CCKBR: variants seen among roughly 807,000 people sequenced by gnomAD.
CCKBR encodes cholecystokinin B receptor.
A neutral mutation model predicts 34.6 loss-of-function variants in CCKBR; 33 were observed. The ratio of observed to expected loss-of-function variants is 0.95; its 90% CI spans 0.72 to 1.27. The LOEUF is 1.27. CCKBR is among the 50% of genes most tolerant of loss of function. CCKBR has a pLI of 0.00. For missense variants in CCKBR, 652 were observed against 617.4 expected (o/e 1.06, Z -0.59); for synonymous variants, 269 against 267.5 (o/e 1.01, Z -0.06).
At position 6,264,737 on chromosome 11, in the gene CCKBR, A is replaced by ATACACACACACACG. The variant is rs1554919498; in HGVS notation, c.151+4658_151+4659insTACACACACACACG. The ATACACACACACACG allele has an allele frequency of 5.9e-6, 3 of 508,834 alleles. No homozygotes were observed. In the Admixed American group the frequency reaches 1.2e-4, roughly 20 times the overall value. The allele number at this position is 508,834 out of a possible 1,614,324, so 31.5% of individuals were successfully genotyped here. ...AACACACATCAATACACACACACAC[A>ATACACACACACACG]CACACACGCATACAAGTCTAAGTCT... On this transcript the variant is annotated intron_variant, in intron 1 of 4. Transcript: ENST00000334619.
chr11:6,270,838 G>A (rs1269637170), intron 4 of CCKBR, 35 bp downstream of exon 4: 1 of 1,613,702 alleles, frequency 6.2e-7, no homozygotes, highest in Admixed American at 1.7e-5. Context: ...ATCTGGGCGA[G>A]GCGGAGCTTT....
chr11:6,264,883 T>C (rs1465690845), intron 1 of CCKBR, among the ~76,000 whole-genome samples: 1 of 152,214 alleles, frequency 6.6e-6, no homozygotes, highest in Non-Finnish European at 1.5e-5. Flanking sequence ...TTTACCCTAT[T>C]ATTAACAGCT....
chr11:6,265,557 G>T (rs1171339039), intron 1 of CCKBR, among the ~76,000 whole-genome samples: 1 of 152,144 alleles, frequency 6.6e-6, no homozygotes, highest in Non-Finnish European at 1.5e-5. Context: ...GTGGAGGCTG[G>T]GGGTGGGAGG....
intron 1 of CCKBR, among the ~76,000 whole-genome samples, chr11:6,263,637 A>G (rs1263062050): frequency 7.0e-6 from 1 of 143,580 alleles, no homozygotes; most frequent in Admixed American, 7.0e-5. Context: ...CAAGTGGCTA[A>G]TTTTTTGTAT....
intron 1 of CCKBR, among the ~76,000 whole-genome samples, chr11:6,265,995 G>C (rs1282776529): frequency 1.3e-5 from 2 of 152,164 alleles, no homozygotes; most frequent in Non-Finnish European, 2.9e-5. Context: ...TAACAAGCAT[G>C]TGTTGACTGC....
At chr11:6,270,973 C>G (rs748178922) in intron 4 of CCKBR, 38 bp from the exon 5 acceptor site, 1 of 1,613,010 alleles carries the variant, frequency 6.2e-7, no homozygotes, top group Admixed American at 1.7e-5. Flanking sequence ...ACTGGGGGGA[C>G]TCGCCTTTTT....
At chr11:6,270,862 G>C in intron 4 of CCKBR, 59 bp downstream of exon 4, 4 of 1,612,844 alleles carry the variant, frequency 2.5e-6, no homozygotes, top group Non-Finnish European at 3.4e-6. Context: ...GGGCGACGGG[G>C]CCTGCTGGAG....
At chr11:6,268,375 G>A (rs1319677324) in intron 1 of CCKBR, among the ~76,000 whole-genome samples, 1 of 152,102 alleles carries the variant, frequency 6.6e-6, no homozygotes, top group Admixed American at 6.6e-5. Context: ...TCATGCTGAG[G>A]CCATAGGTGT....
chr11:6,264,407 G>C, intron 1 of CCKBR: 1 of 602,016 alleles, frequency 1.7e-6, no homozygotes, highest in Admixed American at 3.0e-5. Context: ...TCCTTAGAAA[G>C]TCTTGGTTTT....
Position 6,270,782 on chromosome 11 carries a change from C to T in CCKBR, c.790C>T (p.Arg264Ter), listed in dbSNP as rs764136497. The change falls in exon 4 of 5, where the codon CGA becomes TGA. Residue 264 changes from arginine to a stop codon, truncating the protein, a stop_gained. Coordinates refer to ENST00000334619, the MANE Select transcript of CCKBR (RefSeq NM_176875.4). LOFTEE classifies it low-confidence loss of function (END_TRUNC). ...DSDSDSQSRV[R>*]NQGGLPGAVH... Reference sequence around the variant, plus strand: ...TGACAGCGACAGCCAAAGCAGGGTCCGAAACCAAGGCGGGCTGCCAGGTGG... The same window carrying T: ...TGACAGCGACAGCCAAAGCAGGGTCTGAAACCAAGGCGGGCTGCCAGGTGG... 3.1e-6 allele frequency: 5 copies of T among 1,614,050 alleles called. No individual in the cohort carries two copies. Among genetic ancestry groups the T allele is most frequent in the Admixed American group, 1.7e-5 (1 of 60,010 alleles).
intron 1 of CCKBR, among the ~76,000 whole-genome samples, chr11:6,265,746 G>A (rs777907608): frequency 4.6e-5 from 7 of 152,128 alleles, no homozygotes; most frequent in African/African-American, 1.7e-4. Flanking sequence ...TACAGAGAGA[G>A]GCCCAGCTTC....
chr11:6,262,686 A>AGAGAGAG (rs1848151506), intron 1 of CCKBR, among the ~76,000 whole-genome samples: 43 of 119,296 alleles, frequency 3.6e-4, no homozygotes, highest in Admixed American at 1.3e-3. Context: ...TAGGCAAAGA[A>AGAGAGAG]AGAGAGAGAG....
Position 6,271,952 on chromosome 11 carries a change from A to C in CCKBR, c.*409A>C, listed in dbSNP as rs1042047. On this transcript the variant is annotated 3_prime_UTR_variant, in exon 5 of 5. Transcript: ENST00000334619. Reference sequence around the variant, plus strand: ...ATGCTCCTAGTTTGACCTCACAGTGACCCTTCCCAATCAGCACTGAAAATA... The same window carrying C: ...ATGCTCCTAGTTTGACCTCACAGTGCCCCTTCCCAATCAGCACTGAAAATA... 79,283 of 179,992 alleles carry C rather than the reference A, an allele frequency of 0.44. 18,079 individuals carry two copies. The highest frequency in any genetic ancestry group is 0.58 in the African/African-American group (24,638 of 42,448). The allele number at this position is 179,992 out of a possible 1,614,324, so 11.1% of individuals were successfully genotyped here.
chr11:6,270,358 T>G, intron 3 of CCKBR, 21 bp downstream of exon 3: 1 of 1,599,128 alleles, frequency 6.3e-7, no homozygotes. Flanking sequence ...CCATAAACTA[T>G]CCTAGGAATT....
At chr11:6,264,538 G>T (rs912188666) in intron 1 of CCKBR, 2 of 700,264 alleles carry the variant, frequency 2.9e-6, no homozygotes, top group East Asian at 2.7e-5. Flanking sequence ...CTTCTGAGTC[G>T]CCTGGTCTGA....
At chr11:6,268,753 A>C (rs1848245126) in intron 1 of CCKBR, among the ~76,000 whole-genome samples, 1 of 152,246 alleles carries the variant, frequency 6.6e-6, no homozygotes, top group Non-Finnish European at 1.5e-5. Flanking sequence ...TACAAGGCAG[A>C]AGTAAAATAG....
chr11:6,271,074 G>A lies in CCKBR; in HGVS notation c.875G>A (p.Gly292Asp). The A allele has an allele frequency of 6.2e-7, 1 of 1,614,180 alleles. No homozygotes were observed. The highest frequency in any genetic ancestry group is 8.5e-7 in the Non-Finnish European group (1 of 1,180,038). Reference sequence around the variant, plus strand: ...GGCGCGGTTGGCGAAGACAGCGATGGCTGCTACGTGCAACTTCCACGTTCC... The same window carrying A: ...GGCGCGGTTGGCGAAGACAGCGATGACTGCTACGTGCAACTTCCACGTTCC... ...ETGAVGEDSD[G>D]CYVQLPRSRP... The change falls in exon 5 of 5, where the codon GGC becomes GAC. Residue 292 changes from glycine to aspartate, a missense_variant. Physicochemically the swap from Gly to Asp is moderately conservative, Grantham distance 94 (BLOSUM62 -1). Transcript: ENST00000334619.
Position 6,269,714 on chromosome 11 carries a change from T to C in CCKBR, c.197T>C (p.Leu66Pro), listed in dbSNP as rs771752485. 53 of 1,614,016 alleles carry C rather than the reference T, an allele frequency of 3.3e-5. No individual in the cohort carries two copies. The highest frequency in any genetic ancestry group is 4.4e-5 in the Non-Finnish European group (52 of 1,180,018). ...ATCACTCTTTACGCAGTGATCTTCCTGATGAGCGTTGGAGGAAATATGCTC... is the reference window on the plus strand; with the variant it reads ...ATCACTCTTTACGCAGTGATCTTCCCGATGAGCGTTGGAGGAAATATGCTC... ...IRITLYAVIF[L>P]MSVGGNMLII... The change falls in exon 2 of 5, where the codon CTG becomes CCG. Residue 66 changes from leucine to proline, a missense_variant. Coordinates refer to ENST00000334619, the MANE Select transcript of CCKBR (RefSeq NM_176875.4).
chr11:6,269,620 C>G (rs1848260651), intron 1 of CCKBR, 49 bp from the exon 2 acceptor site: 2 of 1,594,750 alleles, frequency 1.3e-6, no homozygotes, highest in Non-Finnish European at 1.7e-6. Context: ...GGGGATTTGA[C>G]TGAATGAAGG....
Sources: allele counts gnomAD v4.1 joint callset (sites outside exome capture counted in the v4.1 genomes callset), GRCh38; gene constraint gnomAD v4.1.1; transcripts MANE v1.5; gene names NCBI Gene and HGNC (gene_info 2026-07-23, HGNC 2026-07-21).